PLEKHJ1: variants seen among roughly 807,000 people sequenced by gnomAD.
PLEKHJ1 encodes the protein pleckstrin homology domain-containing family J member 1.
In PLEKHJ1, 20 loss-of-function variants were observed where a neutral mutation model predicts 21.7. That is an observed-to-expected ratio of 0.92 (90% CI 0.65 to 1.34). The LOEUF (loss-of-function observed/expected upper bound fraction) is 1.34. PLEKHJ1 is among the 40% of genes most tolerant of loss of function. The pLI, the probability that PLEKHJ1 is intolerant of heterozygous loss-of-function variation, is 0.00. For synonymous variants in PLEKHJ1, 113 were observed against 80.6 expected (o/e 1.40, Z -2.15); for missense variants, 241 against 202.0 (o/e 1.19, Z -1.17).
At position 2,236,277 on chromosome 19, in the gene PLEKHJ1, G is replaced by A. The variant is rs371484988; in HGVS notation, c.-29C>T. 3.1e-4 allele frequency: 411 copies of A among 1,310,428 alleles called. 2 individuals are homozygous for A. The African/African-American group carries it at 5.4e-3, about 17-fold the overall frequency. The allele number at this position is 1,310,428 out of a possible 1,614,324, so 81.2% of individuals were successfully genotyped here. A position where few individuals can be genotyped will look rare whatever the true frequency, so the allele number is the denominator to read the frequency against. ...TCCGCGGGGAACGGGAACCCGGGCC[G>A]CGCCCTCCCGGCCGCCGTCCCCGCT... is the stretch of plus-strand genomic sequence containing the variant. On this transcript the variant is annotated 5_prime_UTR_variant, in exon 1 of 6. Coordinates refer to ENST00000326631, the MANE Select transcript of PLEKHJ1 (RefSeq NM_018049.3).
rs1272237366 is a variant in PLEKHJ1, at chr19:2,236,216, C to G, written c.33G>C (p.Leu11=). Residue 11 remains leucine (L), a synonymous_variant, in exon 1 of 6, where the codon CTG becomes CTC. Coordinates refer to ENST00000326631, the MANE Select transcript of PLEKHJ1 (RefSeq NM_018049.3). ...CCGCCATCTCGGCCGGCTGCCGGGACAGAGCCTGCAGCTCCTTCTCGTTGT... is the reference window on the plus strand; with the variant it reads ...CCGCCATCTCGGCCGGCTGCCGGGAGAGAGCCTGCAGCTCCTTCTCGTTGT... MRYNEKELQA[L]SRQPAEMAAE... 1.4e-6 allele frequency: 2 copies of G among 1,471,920 alleles called. No individual in the cohort carries two copies. The highest frequency in any genetic ancestry group is 1.8e-6 in the Non-Finnish European group (2 of 1,115,582). 91.2% of individuals were successfully genotyped at this position (1,471,920 alleles called of 1,614,324 possible).
At chr19:2,235,719 C>T in intron 3 of PLEKHJ1, 43 bp downstream of exon 3, 1 of 1,527,504 alleles carries the variant, frequency 6.5e-7, no homozygotes, top group South Asian at 1.2e-5. Flanking sequence ...TGCGGGTGCC[C>T]CGGGCTGCGG....
At position 2,235,717 on chromosome 19, in the gene PLEKHJ1, C is replaced by T. The variant is rs972742508; in HGVS notation, c.229+45G>A. On this transcript the variant is annotated intron_variant, in intron 3 of 5. Transcript: ENST00000326631. ...AGGGGAAAGTGCGGCGCTGCGGGTG[C>T]CCCGGGCTGCGGGAAGCGCCGCTGG... The T allele has an allele frequency of 3.9e-6, 6 of 1,519,864 alleles. 1 individual carries two copies. Among genetic ancestry groups the T allele is most frequent in the South Asian group, 2.4e-5 (2 of 82,736 alleles). 94.1% of individuals were successfully genotyped at this position (1,519,864 alleles called of 1,614,324 possible). A position where few individuals can be genotyped will look rare whatever the true frequency, so the allele number is the denominator to read the frequency against.
chr19:2,236,281 C>A lies in PLEKHJ1; in HGVS notation c.-33G>T. 7.7e-7 allele frequency: 1 copy of A among 1,296,458 alleles called. No homozygotes were observed. Among genetic ancestry groups the A allele is most frequent in the Non-Finnish European group, 9.9e-7 (1 of 1,007,838 alleles). The allele number at this position is 1,296,458 out of a possible 1,614,324, so 80.3% of individuals were successfully genotyped here. ...CGGGGAACGGGAACCCGGGCCGCGC[C>A]CTCCCGGCCGCCGTCCCCGCTCAGG... On this transcript the variant is annotated 5_prime_UTR_variant, in exon 1 of 6. Coordinates refer to ENST00000326631, the MANE Select transcript of PLEKHJ1 (RefSeq NM_018049.3).
At chr19:2,231,306 C>T (rs954257677), downstream of PLEKHJ1, 5 of 219,486 alleles carry the variant, frequency 2.3e-5, no homozygotes, top group South Asian at 3.7e-4. Context: ...ACAGATCCAC[C>T]CTCCAGGGAG....
rs778193757 is a variant in PLEKHJ1 at position 2,235,816 on chromosome 19, G to A, written c.175C>T (p.Leu59=). 4 of 1,553,548 alleles carry A rather than the reference G, an allele frequency of 2.6e-6. No homozygotes were observed. Among genetic ancestry groups the A allele is most frequent in the Admixed American group, 1.9e-5 (1 of 51,324 alleles). Residue 59 remains leucine, a synonymous_variant, in exon 3 of 6, where the codon CTG becomes TTG. Transcript: ENST00000326631. ...ACGACTCTGCAGCGCTCCAGCAGCAGGGCTCCGACGGGCTGGAGGAGACAC... is the reference window on the plus strand; with the variant it reads ...ACGACTCTGCAGCGCTCCAGCAGCAAGGCTCCGACGGGCTGGAGGAGACAC... ...RTDEAEPVGA[L]LLERCRVVRE...
intron 1 of PLEKHJ1, 69 bp downstream of exon 1, chr19:2,236,086 A>C (rs984837945): frequency 7.2e-7 from 1 of 1,385,486 alleles, no homozygotes; most frequent in Non-Finnish European, 9.4e-7. Context: ...GGCCTCCGGC[A>C]CCCCCGCCCA....
rs1458215653 is a variant in PLEKHJ1 at position 2,233,418 on chromosome 19, TGGC to T, written c.*419_*421del. On this transcript the variant is annotated 3_prime_UTR_variant, in exon 6 of 6. Coordinates refer to ENST00000326631, the MANE Select transcript of PLEKHJ1 (RefSeq NM_018049.3). Reference sequence around the variant, plus strand: ...GGCACCTGTGGGAAGGCGCATATCCTGGCGGCAGCAGCACGTGGCACCAGGTGC... The same window carrying T: ...GGCACCTGTGGGAAGGCGCATATCCTGGCAGCAGCACGTGGCACCAGGTGC... 2 of 223,742 alleles carry T rather than the reference TGGC, an allele frequency of 8.9e-6. No individual in the cohort carries two copies. Among genetic ancestry groups the T allele is most frequent in the Non-Finnish European group, 1.8e-5 (2 of 112,310 alleles). The allele number at this position is 223,742 out of a possible 1,614,324, so 13.9% of individuals were successfully genotyped here. A position where few individuals can be genotyped will look rare whatever the true frequency, so the allele number is the denominator to read the frequency against.
intron 3 of PLEKHJ1, 177 bp downstream of exon 3, chr19:2,235,585 G>T (rs938712277): frequency 1.7e-6 from 1 of 602,358 alleles, no homozygotes; most frequent in African/African-American, 1.9e-5. Context: ...GAAGGGTGGT[G>T]CCCGCCAGGA....
In PLEKHJ1 at chr19:2,234,166, C is replaced by A; in HGVS notation, c.304G>T (p.Ala102Ser). The change falls in exon 4 of 6, where the codon GCT becomes TCT. Residue 102 changes from alanine to serine, a missense_variant. Coordinates refer to ENST00000326631, the MANE Select transcript of PLEKHJ1 (RefSeq NM_018049.3). Reference sequence around the variant, plus strand: ...TGGCCCCACCTGGCCCGACGCAGAGCCTCCATCCACTCCTGACACTGCTCC... The same window carrying A: ...TGGCCCCACCTGGCCCGACGCAGAGACTCCATCCACTCCTGACACTGCTCC... The part of the protein sequence containing the change: ...SEEQCQEWME[A>S]LRRASYEFMR... 6.2e-7 allele frequency: 1 copy of A among 1,612,672 alleles called. No individual in the cohort carries two copies. Among genetic ancestry groups the A allele is most frequent in the Non-Finnish European group, 8.5e-7 (1 of 1,179,982 alleles).
Position 2,234,060 on chromosome 19 carries a change from A to G in PLEKHJ1, c.322T>C (p.Tyr108His), listed in dbSNP as rs916725804. The change falls in exon 5 of 6, where the codon TAC (tyrosine) becomes CAC (histidine). Residue 108 changes from tyrosine (Y) to histidine (H), a missense_variant and splice_region_variant. Coordinates refer to ENST00000326631, the MANE Select transcript of PLEKHJ1 (RefSeq NM_018049.3). ...ATGAGGCTTCTCCGCATGAACTCGTAGCTGGGGAAAAGGGTGGCACGGGGT... is the reference window on the plus strand; with the variant it reads ...ATGAGGCTTCTCCGCATGAACTCGTGGCTGGGGAAAAGGGTGGCACGGGGT... ...EWMEALRRAS[Y>H]EFMRRSLIFY... is the part of the protein sequence containing the mutation. 1 of 1,613,434 alleles carries G rather than the reference A, an allele frequency of 6.2e-7. No homozygotes were observed. The highest frequency in any genetic ancestry group is 8.5e-7 in the Non-Finnish European group (1 of 1,180,026).
downstream of PLEKHJ1, chr19:2,231,225 C>T (rs1012840462): frequency 8.8e-6 from 2 of 228,164 alleles, no homozygotes; most frequent in Non-Finnish European, 1.7e-5. Flanking sequence ...CTGTGTGGCA[C>T]TTGCTGAGCC....
chr19:2,230,684 T>A (rs2024562154), downstream of PLEKHJ1: 1 of 398,002 alleles, frequency 2.5e-6, no homozygotes, highest in South Asian at 1.4e-4. Context: ...ATAAATTTCA[T>A]AGATTTGACA....
At position 2,236,253 on chromosome 19, in the gene PLEKHJ1, C is replaced by G. The variant is rs1461732620; in HGVS notation, c.-5G>C. ...CTCCTTCTCGTTGTACCGCATGGCT[C>G]CGCGGGGAACGGGAACCCGGGCCGC... On this transcript the variant is annotated 5_prime_UTR_variant, in exon 1 of 6. Coordinates refer to ENST00000326631, the MANE Select transcript of PLEKHJ1 (RefSeq NM_018049.3). 4 of 1,387,598 alleles carry G rather than the reference C, an allele frequency of 2.9e-6. No homozygotes were observed. Among genetic ancestry groups the G allele is most frequent in the Non-Finnish European group, 3.7e-6 (4 of 1,072,020 alleles). 86.0% of individuals were successfully genotyped at this position (1,387,598 alleles called of 1,614,324 possible). A position where few individuals can be genotyped will look rare whatever the true frequency, so the allele number is the denominator to read the frequency against.
At chr19:2,235,453 GGC>G in intron 3 of PLEKHJ1, 1 of 437,356 alleles carries the variant, frequency 2.3e-6, no homozygotes, top group Non-Finnish European at 4.1e-6. Context: ...TGCTACTCTT[GGC>G]AGCTGGGGAA....
At chr19:2,234,085 T>C in intron 4 of PLEKHJ1, 24 bp from the exon 5 acceptor site, 1 of 1,613,046 alleles carries the variant, frequency 6.2e-7, no homozygotes, top group South Asian at 1.1e-5. Context: ...TGGCACGGGG[T>C]CAAATGCCCG....
chr19:2,236,134 G>A (rs968912236), intron 1 of PLEKHJ1, 21 bp downstream of exon 1: 3 of 1,462,162 alleles, frequency 2.1e-6, no homozygotes, highest in Non-Finnish European at 2.7e-6. Context: ...GCACTGTCTC[G>A]GTCTCCCGGG....
chr19:2,231,014 C>G (rs188082149), downstream of PLEKHJ1: 1 of 238,892 alleles, frequency 4.2e-6, no homozygotes, highest in Non-Finnish European at 8.2e-6. Flanking sequence ...GTCGGCCCCC[C>G]ACTCTGCAGC....
chr19:2,231,009 C>T (rs1431431110), downstream of PLEKHJ1: 7 of 239,254 alleles, frequency 2.9e-5, no homozygotes, highest in Non-Finnish European at 5.7e-5. Flanking sequence ...GTGACGTCGG[C>T]CCCCCACTCT....
Sources: allele counts gnomAD v4.1 joint callset, GRCh38; gene constraint gnomAD v4.1.1; transcripts MANE v1.5; gene names NCBI Gene and HGNC (gene_info 2026-07-23, HGNC 2026-07-21).